EYA4: variants seen among roughly 807,000 people sequenced by gnomAD.
EYA4 encodes EYA transcriptional coactivator and phosphatase 4.
A neutral mutation model predicts 87.9 loss-of-function variants in EYA4; 31 were observed. That is an observed-to-expected ratio of 0.35 (90% CI 0.27 to 0.48). The LOEUF (loss-of-function observed/expected upper bound fraction) is 0.48, where lower values mean the gene tolerates loss of function less well. Among genes scored for constraint, EYA4 ranks in the 20% least tolerant of loss-of-function variants. The pLI is 0.99. For missense variants in EYA4, 678 were observed against 761.4 expected, an observed-to-expected ratio of 0.89 and a Z score of 1.29; for synonymous variants, 263 against 270.6, an observed-to-expected ratio of 0.97 and a Z score of 0.28.
At chr6:133,294,753 A>AT (rs1184591226) in intron 2 of EYA4, among the ~76,000 whole-genome samples, 5 of 151,426 alleles carry the variant, frequency 3.3e-5, no homozygotes, top group South Asian at 4.2e-4. Context: ...ATTTTATTTT[A>AT]TTTTTTTAGT....
At chr6:133,250,403 A>T (rs1319797535) in intron 1 of EYA4, among the ~76,000 whole-genome samples, 1 of 152,106 alleles carries the variant, frequency 6.6e-6, no homozygotes, top group Non-Finnish European at 1.5e-5. Context: ...GCACTTTGGG[A>T]GGCCGAGGCG....
At chr6:133,523,306 C>T (rs1583561790) in intron 18 of EYA4, 129 bp downstream of exon 18, 1 of 933,752 alleles carries the variant, frequency 1.1e-6, no homozygotes, top group African/African-American at 1.6e-5. Flanking sequence ...ACAAAGTCCC[C>T]TACAACTCAT....
chr6:133,351,961 G>A lies in EYA4; in HGVS notation c.34-30431G>A, dbSNP rs1417939461. Reference sequence around the variant, plus strand: ...GAAAGAATTTAGAAGAATTTAAAATGGCAAAACTTCATGCTGTGTTAAAGA... The same window carrying A: ...GAAAGAATTTAGAAGAATTTAAAATAGCAAAACTTCATGCTGTGTTAAAGA... On this transcript the variant is annotated intron_variant, in intron 2 of 19. Coordinates refer to ENST00000355286, the MANE Select transcript of EYA4 (RefSeq NM_004100.5). 2.0e-5 allele frequency among the ~76,000 whole-genome samples: 3 copies of A among 150,548 alleles called. No individual in the cohort carries two copies. The East Asian group carries it at 5.8e-4, about 29-fold the overall frequency.
At chr6:133,334,810 A>G (rs1034530867) in intron 2 of EYA4, among the ~76,000 whole-genome samples, 1 of 152,160 alleles carries the variant, frequency 6.6e-6, no homozygotes, top group African/African-American at 2.4e-5. Context: ...TATAAATATT[A>G]GAAATAATAC....
intron 1 of EYA4, among the ~76,000 whole-genome samples, chr6:133,242,428 C>CCTGCTCTGACA (rs1774029071): frequency 6.6e-6 from 1 of 151,974 alleles, no homozygotes; most frequent in Non-Finnish European, 1.5e-5. Context: ...AGAGCAGTCG[C>CCTGCTCTGACA]GTTCATTGGC....
rs527455047 is a variant in EYA4 at position 133,485,434 on chromosome 6, G to GC, written c.1191+2320dup. On this transcript the variant is annotated intron_variant, in intron 13 of 19. Coordinates refer to ENST00000355286, the MANE Select transcript of EYA4 (RefSeq NM_004100.5). ...TGAAGGGGTAGGCTGTTCTCTCAAA[G>GC]CTATAGATGAGGAAACATATCCAGA... Among the ~76,000 whole-genome samples, 749 of 152,228 alleles carry GC rather than the reference G, an allele frequency of 4.9e-3. 8 individuals are homozygous for GC. Among genetic ancestry groups the GC allele is most frequent in the African/African-American group, 0.017 (707 of 41,538 alleles).
At chr6:133,340,103 T>C (rs1782672445) in intron 2 of EYA4, among the ~76,000 whole-genome samples, 1 of 152,156 alleles carries the variant, frequency 6.6e-6, no homozygotes, top group South Asian at 2.1e-4. Context: ...CTATCAGAAG[T>C]AATCATATCC....
At chr6:133,387,839 T>A (rs994462374) in intron 3 of EYA4, among the ~76,000 whole-genome samples, 66 of 152,302 alleles carry the variant, frequency 4.3e-4, no homozygotes, top group African/African-American at 1.4e-3. Context: ...ATGTGGATGC[T>A]TCTCTAGTCT....
intron 3 of EYA4, among the ~76,000 whole-genome samples, chr6:133,436,584 T>TCTATTCAG (rs1049606992): frequency 7.2e-4 from 110 of 152,338 alleles, no homozygotes; most frequent in African/African-American, 2.5e-3. Flanking sequence ...AAGCTATTGT[T>TCTATTCAG]GTTATTCTTA....
At chr6:133,359,002 C>A (rs9493608) in intron 2 of EYA4, among the ~76,000 whole-genome samples, 1,626 of 151,766 alleles carry the variant, frequency 0.011, 27 homozygotes, top group African/African-American at 0.037. Flanking sequence ...GTACTGGAAA[C>A]GAGGAAAAGA....
chr6:133,521,300 C>T (rs1254073068), intron 17 of EYA4, among the ~76,000 whole-genome samples: 7 of 150,270 alleles, frequency 4.7e-5, no homozygotes, highest in African/African-American at 9.8e-5. Flanking sequence ...AAAAAGTGGG[C>T]GAAGGACATG....
intron 3 of EYA4, among the ~76,000 whole-genome samples, chr6:133,436,677 T>C (rs1022037509): frequency 3.3e-5 from 5 of 152,194 alleles, no homozygotes; most frequent in African/African-American, 1.2e-4. Flanking sequence ...ATCATTCTGA[T>C]GGTCAAATGC....
chr6:133,449,134 C>G (rs1583308577), intron 5 of EYA4, among the ~76,000 whole-genome samples: 1 of 152,140 alleles, frequency 6.6e-6, no homozygotes, highest in Non-Finnish European at 1.5e-5. Context: ...ATAGCAGGGT[C>G]TTTTTCTCTA....
At chr6:133,241,227 T>TC (rs1182823184), upstream of EYA4, 1 of 151,326 alleles carries the variant, frequency 6.6e-6, no homozygotes. Flanking sequence ...CCTGGCGGCC[T>TC]CCCCCGAGGC....
At chr6:133,271,311 T>G (rs1323060216) in intron 1 of EYA4, among the ~76,000 whole-genome samples, 1 of 152,136 alleles carries the variant, frequency 6.6e-6, no homozygotes, top group Non-Finnish European at 1.5e-5. Context: ...TTCAGGATGA[T>G]GGGGTACATG....
intron 3 of EYA4, among the ~76,000 whole-genome samples, chr6:133,445,798 T>G (rs1792770551): frequency 6.6e-6 from 1 of 152,138 alleles, no homozygotes. Flanking sequence ...GCCAGGATGG[T>G]CTCGATCTCC....
chr6:133,298,760 G>A (rs1779135367), intron 2 of EYA4, among the ~76,000 whole-genome samples: 1 of 152,176 alleles, frequency 6.6e-6, no homozygotes, highest in Non-Finnish European at 1.5e-5. Context: ...TAAATTATTT[G>A]CTAAAAATAT....
At chr6:133,468,014 G>T (rs999104280) in intron 10 of EYA4, among the ~76,000 whole-genome samples, 1 of 151,798 alleles carries the variant, frequency 6.6e-6, no homozygotes, top group Admixed American at 6.6e-5. Flanking sequence ...TTTGTGAGAG[G>T]CTGGGTAAAA....
At chr6:133,274,601 G>A in intron 1 of EYA4, 115 bp from the exon 2 acceptor site, 1 of 613,008 alleles carries the variant, frequency 1.6e-6, no homozygotes, top group South Asian at 2.1e-5. Flanking sequence ...TTCTTCTTGA[G>A]AGAATGCTCC....
Sources: gnomAD v4.1 joint callset for allele counts (sites outside exome capture counted in the v4.1 genomes callset) on GRCh38, gnomAD v4.1.1 for gene constraint, MANE v1.5 for transcripts, NCBI Gene and HGNC (gene_info 2026-07-23, HGNC 2026-07-21) for gene names.